The following EEA1 variants were observed in gnomAD, a reference collection of about 807,000 sequenced individuals.
EEA1 encodes the protein early endosome antigen 1, 162kD.
EEA1 carries 111 observed loss-of-function variants against 209.2 expected under a neutral mutation model. That is an observed-to-expected ratio of 0.53 (90% confidence interval 0.45 to 0.62). The LOEUF (loss-of-function observed/expected upper bound fraction) is 0.62, where lower values mean the gene tolerates loss of function less well. Among genes scored for constraint, EEA1 ranks in the 20% least tolerant of loss-of-function variants. EEA1 has a pLI of 0.00. For missense variants in EEA1, 1,343 were observed against 1,530.8 expected (o/e 0.88, Z 2.05); for synonymous variants, 536 against 540.6 (o/e 0.99, Z 0.12).
chr12:92,774,902 T>C lies in EEA1; in HGVS notation c.*1109A>G, dbSNP rs953222323. ...AGGGTAAGAAATAGAAAGTAAAATATTTAATGTCTTCTTATCATTTTATAT... is the reference window on the plus strand; with the variant it reads ...AGGGTAAGAAATAGAAAGTAAAATACTTAATGTCTTCTTATCATTTTATAT... On this transcript the variant is annotated 3_prime_UTR_variant, in exon 29 of 29. Transcript: ENST00000322349. The C allele has an allele frequency of 4.0e-5, 6 of 151,798 alleles. No individual in the cohort carries two copies. The highest frequency in any genetic ancestry group is 8.9e-5 in the Non-Finnish European group (6 of 67,714). 9.4% of individuals were successfully genotyped at this position (151,798 alleles called of 1,614,324 possible).
chr12:92,786,055 C>A (rs1874117368), intron 22 of EEA1, among the ~76,000 whole-genome samples: 1 of 151,514 alleles, frequency 6.6e-6, no homozygotes, highest in South Asian at 2.1e-4. Flanking sequence ...AGTGTGATTT[C>A]TATAAGACTT....
At chr12:92,864,804 C>T (rs576618404) in intron 3 of EEA1, 56 bp downstream of exon 3, 21 of 1,420,090 alleles carry the variant, frequency 1.5e-5, no homozygotes, top group African/African-American at 1.5e-4. Flanking sequence ...CATGATTAAA[C>T]GACGATACCA....
At chr12:92,828,817 G>GACACAT (rs897834329) in intron 11 of EEA1, among the ~76,000 whole-genome samples, 8 of 151,994 alleles carry the variant, frequency 5.3e-5, no homozygotes, top group African/African-American at 1.9e-4. Flanking sequence ...CTGGCTGTGA[G>GACACAT]ACACATCTGC....
At chr12:92,842,433 T>C (rs753826549) in intron 10 of EEA1, 32 bp downstream of exon 10, 22 of 1,004,182 alleles carry the variant, frequency 2.2e-5, no homozygotes, top group Admixed American at 1.6e-4. Context: ...ATAAAATCAA[T>C]TTGCTATTAT....
At position 92,864,845 on chromosome 12, in the gene EEA1, A is replaced by G; in HGVS notation, c.245+15T>C. On this transcript the variant is annotated intron_variant, in intron 3 of 28. Coordinates refer to ENST00000322349, the MANE Select transcript of EEA1 (RefSeq NM_003566.4). ...ATATTCCATAACATTATACTTCAAA[A>G]TTATCATACCGTACCGCTTCAAAGC... 1 of 1,562,770 alleles carries G rather than the reference A, an allele frequency of 6.4e-7. No homozygotes were observed. Among genetic ancestry groups the G allele is most frequent in the Non-Finnish European group, 8.6e-7 (1 of 1,158,160 alleles).
At chr12:92,908,613 T>A (rs568127479) in intron 1 of EEA1, among the ~76,000 whole-genome samples, 19 of 92,268 alleles carry the variant, frequency 2.1e-4, no homozygotes, top group Non-Finnish European at 2.6e-4. Flanking sequence ...CCAAAAAAAA[T>A]TGCTAAAAAA....
intron 21 of EEA1, among the ~76,000 whole-genome samples, chr12:92,790,384 GA>G (rs778708597): frequency 2.0e-5 from 3 of 152,072 alleles, no homozygotes; most frequent in Non-Finnish European, 4.4e-5. Flanking sequence ...TAAAAACCTT[GA>G]AAAAAGGTTT....
At chr12:92,912,080 A>G (rs774514772) in intron 1 of EEA1, among the ~76,000 whole-genome samples, 2 of 152,240 alleles carry the variant, frequency 1.3e-5, no homozygotes, top group African/African-American at 2.4e-5. Flanking sequence ...TTAGAAGATC[A>G]TTTTGCAAAT....
At chr12:92,905,266 T>A (rs762939538) in intron 1 of EEA1, among the ~76,000 whole-genome samples, 10 of 152,156 alleles carry the variant, frequency 6.6e-5, no homozygotes, top group Non-Finnish European at 1.5e-4. Context: ...TTTGAAATTA[T>A]GAAAAAAATA....
intron 1 of EEA1, among the ~76,000 whole-genome samples, chr12:92,912,201 C>T (rs1220879239): frequency 1.3e-5 from 2 of 152,140 alleles, no homozygotes; most frequent in East Asian, 3.8e-4. Context: ...TTTATATTTC[C>T]TCTTGCAGCA....
chr12:92,880,636 G>C (rs1269899251), intron 2 of EEA1, among the ~76,000 whole-genome samples: 1 of 152,032 alleles, frequency 6.6e-6, no homozygotes, highest in African/African-American at 2.4e-5. Flanking sequence ...CACCATGCTC[G>C]GCTAATTTTT....
rs1206128687 is a variant in EEA1, at chr12:92,780,269, T to C, written c.3468+11A>G. On this transcript the variant is annotated intron_variant, in intron 24 of 28. Coordinates refer to ENST00000322349, the MANE Select transcript of EEA1 (RefSeq NM_003566.4). ...ACACAGAAGGCAGGAGAAATGATTA[T>C]CTTAACATACCTTTATGCTTTCTAG... 3 of 1,586,504 alleles carry C rather than the reference T, an allele frequency of 1.9e-6. No homozygotes were observed. Among genetic ancestry groups the C allele is most frequent in the Non-Finnish European group, 2.6e-6 (3 of 1,172,160 alleles).
intron 1 of EEA1, among the ~76,000 whole-genome samples, chr12:92,924,046 G>A (rs562814538): frequency 1.3e-5 from 2 of 152,060 alleles, no homozygotes; most frequent in Non-Finnish European, 2.9e-5. Context: ...AGGAGGCAGG[G>A]GCTGCAGTGA....
chr12:92,832,902 C>A, intron 10 of EEA1, 52 bp from the exon 11 acceptor site: 1 of 1,314,804 alleles, frequency 7.6e-7, no homozygotes, highest in South Asian at 1.5e-5. Flanking sequence ...TTTAATTACT[C>A]CAATTACTCA....
chr12:92,864,841 C>T lies in EEA1; in HGVS notation c.245+19G>A, dbSNP rs1304090074. On this transcript the variant is annotated intron_variant, in intron 3 of 28. Transcript: ENST00000322349. ...ATGCATATTCCATAACATTATACTT[C>T]AAAATTATCATACCGTACCGCTTCA... is the stretch of plus-strand genomic sequence containing the variant. 2.6e-6 allele frequency: 4 copies of T among 1,557,966 alleles called. No homozygotes were observed.
At chr12:92,826,672 G>A (rs766598449) in intron 12 of EEA1, among the ~76,000 whole-genome samples, 2 of 145,450 alleles carry the variant, frequency 1.4e-5, no homozygotes, top group Non-Finnish European at 1.5e-5. Context: ...CCGAGATTGC[G>A]CCACTGCACT....
intron 2 of EEA1, among the ~76,000 whole-genome samples, chr12:92,867,880 GAC>G (rs1434891708): frequency 1.4e-5 from 2 of 138,732 alleles, no homozygotes; most frequent in Admixed American, 7.4e-5. Flanking sequence ...GAGAGAGAGA[GAC>G]ACAGTCACTG....
chr12:92,792,855 T>C (rs1018189963), intron 21 of EEA1, among the ~76,000 whole-genome samples: 1 of 152,200 alleles, frequency 6.6e-6, no homozygotes, highest in Non-Finnish European at 1.5e-5. Flanking sequence ...TCAATATCCC[T>C]GATGAACATC....
intron 2 of EEA1, chr12:92,884,160 T>C (rs1014071092): frequency 5.6e-5 from 72 of 1,289,552 alleles, no homozygotes; most frequent in Middle Eastern, 5.2e-4. Context: ...TATGGAAAAA[T>C]TGAAGTGACT....
Sources: allele counts gnomAD v4.1 joint callset (sites outside exome capture counted in the v4.1 genomes callset), GRCh38; gene constraint gnomAD v4.1.1; transcripts MANE v1.5; gene names NCBI Gene and HGNC (gene_info 2026-07-23, HGNC 2026-07-21).